Variants in LMCD1 observed in about 807,000 individuals in gnomAD.
LMCD1 encodes the protein LIM and cysteine-rich domains protein 1.
Under a neutral mutation model 42.7 loss-of-function variants are expected in LMCD1, and 32 were observed. The ratio of observed to expected loss-of-function variants is 0.75; its 90% confidence interval spans 0.57 to 1.01. The LOEUF is 1.01. Ranked by LOEUF, LMCD1 falls within the 50% of genes least tolerant of loss-of-function variation. LMCD1 has a pLI of 0.00. For missense variants in LMCD1, 458 were observed against 483.1 expected (o/e 0.95, Z 0.49); for synonymous variants, 178 against 184.9 (o/e 0.96, Z 0.30).
chr3:8,557,623 C>T (rs1267747947), intron 4 of LMCD1, among the ~76,000 whole-genome samples: 1 of 152,206 alleles, frequency 6.6e-6, no homozygotes, highest in Non-Finnish European at 1.5e-5. Flanking sequence ...CTGAGTAACC[C>T]TTGGCCATTG....
intron 4 of LMCD1, among the ~76,000 whole-genome samples, chr3:8,556,652 C>T (rs1219054790): frequency 6.6e-6 from 1 of 152,154 alleles, no homozygotes; most frequent in Non-Finnish European, 1.5e-5. Context: ...AAAGCCGTTG[C>T]AATTGGAATG....
intron 1 of LMCD1, among the ~76,000 whole-genome samples, chr3:8,513,041 C>A (rs1694031563): frequency 6.6e-6 from 1 of 152,188 alleles, no homozygotes; most frequent in South Asian, 2.1e-4. Context: ...AACACTCACA[C>A]CTCCTGAAGA....
intron 1 of LMCD1, among the ~76,000 whole-genome samples, chr3:8,530,526 C>T (rs1194335097): frequency 1.3e-5 from 2 of 152,214 alleles, no homozygotes; most frequent in Non-Finnish European, 2.9e-5. Flanking sequence ...GTTAAATCAG[C>T]CTCTCATTAG....
chr3:8,526,984 C>A (rs1694313653), intron 1 of LMCD1, among the ~76,000 whole-genome samples: 1 of 152,160 alleles, frequency 6.6e-6, no homozygotes, highest in South Asian at 2.1e-4. Flanking sequence ...GAAAGAGAAT[C>A]TGGGTGGAAA....
At position 8,570,666 on chromosome 3, in the gene LMCD1, C is replaced by T. The variant is rs142744860; in HGVS notation, c.*3068C>T. Reference sequence around the variant, plus strand: ...TGCTCAGACTGACAAGTCTCCCCGACGGGAACTCACCCTCTCCACCCACCA... The same window carrying T: ...TGCTCAGACTGACAAGTCTCCCCGATGGGAACTCACCCTCTCCACCCACCA... On this transcript the variant is annotated 3_prime_UTR_variant, in exon 6 of 6. Coordinates refer to ENST00000157600, the MANE Select transcript of LMCD1 (RefSeq NM_014583.4). 7.9e-5 allele frequency: 12 copies of T among 152,384 alleles called. No homozygotes were observed. Among genetic ancestry groups the T allele is most frequent in the East Asian group, 1.9e-4 (1 of 5,182 alleles). The allele number at this position is 152,384 out of a possible 1,614,324, so 9.4% of individuals were successfully genotyped here.
rs1464418039 is a variant in LMCD1, at chr3:8,570,161, A to G, written c.*2563A>G. 6.6e-6 allele frequency: 1 copy of G among 152,404 alleles called. No individual in the cohort carries two copies. The highest frequency in any genetic ancestry group is 6.5e-5 in the Admixed American group (1 of 15,280). 9.4% of individuals were successfully genotyped at this position (152,404 alleles called of 1,614,324 possible). Reference sequence around the variant, plus strand: ...GAACATGGCCCATGGATGGAACTGAAAGAAAACTGGTGTGGCAGGAGCACA... The same window carrying G: ...GAACATGGCCCATGGATGGAACTGAGAGAAAACTGGTGTGGCAGGAGCACA... On this transcript the variant is annotated 3_prime_UTR_variant, in exon 6 of 6. Transcript: ENST00000157600.
intron 1 of LMCD1, among the ~76,000 whole-genome samples, chr3:8,502,925 AAC>A (rs1167108252): frequency 5.3e-5 from 8 of 152,248 alleles, no homozygotes; most frequent in Middle Eastern, 3.4e-3. Context: ...AGTTGGTTCT[AAC>A]AGGCAGCTGA....
chr3:8,561,275 AG>A (rs1418046660), intron 4 of LMCD1, among the ~76,000 whole-genome samples: 3 of 152,246 alleles, frequency 2.0e-5, no homozygotes, highest in African/African-American at 7.2e-5. Context: ...GTGAGCCAAG[AG>A]CCAAAATTGC....
At position 8,556,204 on chromosome 3, in the gene LMCD1, T is replaced by C. The variant is rs994144446; in HGVS notation, c.723+7301T>C. Among the ~76,000 whole-genome samples the C allele has an allele frequency of 2.0e-5, 3 of 152,208 alleles. No homozygotes were observed. The South Asian group carries it at 6.2e-4, about 31-fold the overall frequency. The stretch of plus-strand genomic sequence containing the variant: ...ATCCTAAGAATTATCCTACAAAGTA[T>C]ATCATCCTCCTTTTTACAAACAAGG... On this transcript the variant is annotated intron_variant, in intron 4 of 5. Transcript: ENST00000157600.
intron 1 of LMCD1, among the ~76,000 whole-genome samples, chr3:8,524,001 G>C (rs1359366818): frequency 6.6e-6 from 1 of 152,056 alleles, no homozygotes; most frequent in Non-Finnish European, 1.5e-5. Context: ...ACCCTGTTTT[G>C]GCAATTCCTT....
At chr3:8,537,695 C>T (rs1330062881) in intron 3 of LMCD1, among the ~76,000 whole-genome samples, 1 of 152,140 alleles carries the variant, frequency 6.6e-6, no homozygotes, top group African/African-American at 2.4e-5. Context: ...AGCTCTAGTA[C>T]AGGGGCATTT....
At chr3:8,546,870 A>G (rs892206517) in intron 3 of LMCD1, among the ~76,000 whole-genome samples, 4 of 152,308 alleles carry the variant, frequency 2.6e-5, no homozygotes, top group African/African-American at 7.2e-5. Flanking sequence ...AACTTTTGTC[A>G]TTATACTGTT....
At chr3:8,517,932 T>G (rs1039666183) in intron 1 of LMCD1, among the ~76,000 whole-genome samples, 3 of 152,000 alleles carry the variant, frequency 2.0e-5, no homozygotes, top group Admixed American at 1.3e-4. Flanking sequence ...GAACATGAGG[T>G]TTTATAAACA....
At chr3:8,521,910 G>A (rs898755299) in intron 1 of LMCD1, among the ~76,000 whole-genome samples, 8 of 151,952 alleles carry the variant, frequency 5.3e-5, no homozygotes, top group Admixed American at 2.6e-4. Flanking sequence ...TTTTTTTCAA[G>A]ATGGATGCAG....
At chr3:8,510,960 A>G (rs1693984943) in intron 1 of LMCD1, among the ~76,000 whole-genome samples, 4 of 152,232 alleles carry the variant, frequency 2.6e-5, no homozygotes, top group Admixed American at 6.5e-5. Flanking sequence ...ATACACATCT[A>G]TGCATAGGTA....
Position 8,501,942 on chromosome 3 carries a change from G to A in LMCD1, c.4G>A (p.Ala2Thr). The change falls in exon 1 of 6, where the codon GCA becomes ACA. Residue 2 changes from alanine (A) to threonine (T), a missense_variant. Transcript: ENST00000157600. Reference protein sequence around the residue: MAKVAKDLNPGV... With the variant: MTKVAKDLNPGV... ...TGTTCCCCCACCCCAGAAGAGGATG[G>A]CAAAGGTGGCTAAGGACCTCAACCC... 6.3e-7 allele frequency: 1 copy of A among 1,594,292 alleles called. No homozygotes were observed. The highest frequency in any genetic ancestry group is 8.5e-7 in the Non-Finnish European group (1 of 1,171,584).
At chr3:8,533,863 C>T (rs1216469911) in intron 2 of LMCD1, among the ~76,000 whole-genome samples, 3 of 151,874 alleles carry the variant, frequency 2.0e-5, no homozygotes, top group Non-Finnish European at 2.9e-5. Context: ...GCTTTCAGAG[C>T]AGAACACTGT....
chr3:8,530,843 A>G (rs1209824627), intron 1 of LMCD1, among the ~76,000 whole-genome samples: 1 of 152,250 alleles, frequency 6.6e-6, no homozygotes, highest in African/African-American at 2.4e-5. Context: ...AGAATGAGTT[A>G]GCAGTGGGTG....
chr3:8,525,556 G>A (rs1463966282), intron 1 of LMCD1, among the ~76,000 whole-genome samples: 1 of 152,170 alleles, frequency 6.6e-6, no homozygotes, highest in Non-Finnish European at 1.5e-5. Context: ...TTGAGATACT[G>A]ATTTCATTTC....
Sources: allele counts gnomAD v4.1 joint callset (sites outside exome capture counted in the v4.1 genomes callset), GRCh38; gene constraint gnomAD v4.1.1; transcripts MANE v1.5; gene names NCBI Gene and HGNC (gene_info 2026-07-23, HGNC 2026-07-21).